Variants in JAKMIP1 observed in about 807,000 individuals in gnomAD.
JAKMIP1 encodes the protein janus kinase and microtubule interacting protein 1.
A neutral mutation model predicts 113.0 loss-of-function variants in JAKMIP1; 33 were observed. The observed-to-expected ratio is 0.29, with a 90% CI of 0.22 to 0.39. JAKMIP1 has a LOEUF of 0.39. Among genes scored for constraint, JAKMIP1 ranks in the 10% least tolerant of loss-of-function variants. The probability of loss-of-function intolerance (pLI) is 1.00; values close to 1 mark genes in which losing one functional copy is unlikely to be tolerated. For missense variants in JAKMIP1, 813 were observed against 1,080.5 expected (o/e 0.75, Z 3.47); for synonymous variants, 480 against 459.9 (o/e 1.04, Z -0.56).
In JAKMIP1 at chr4:6,154,198, A is replaced by G. The variant is rs1288315240; in HGVS notation, c.-147-41201T>C. ...GAGGGAAGACAGAGCGGAGCTGGAC[A>G]CAGGCGGAGGCTGAAGAAACAAGCA... On this transcript the variant is annotated intron_variant, in intron 1 of 20. Coordinates refer to ENST00000409021, the MANE Select transcript of JAKMIP1 (RefSeq NM_001099433.2). This position sits in a 1 kb window ranked among gnomAD's most constrained non-coding sequence, Gnocchi z 4.2. Among the ~76,000 whole-genome samples the G allele has an allele frequency of 1.3e-5, 2 of 152,240 alleles. No homozygotes were observed. The highest frequency in any genetic ancestry group is 2.4e-5 in the African/African-American group (1 of 41,464).
intron 3 of JAKMIP1, among the ~76,000 whole-genome samples, chr4:6,101,903 TAAAAA>T (rs34415235): frequency 1.5e-5 from 2 of 132,378 alleles, no homozygotes; most frequent in Non-Finnish European, 1.6e-5. Context: ...AAGACTCAGT[TAAAAA>T]AAAAAAAAAA....
rs539564586 is a variant in JAKMIP1 at position 6,138,890 on chromosome 4, G to A, written c.-147-25893C>T. 6.6e-6 allele frequency among the ~76,000 whole-genome samples: 1 copy of A among 152,272 alleles called. No individual in the cohort carries two copies. Among genetic ancestry groups the A allele is most frequent in the African/African-American group, 2.4e-5 (1 of 41,514 alleles). ...GCACAGAGCACTTTCAACAGAGCAA[G>A]GCCAGTTGGGCGCTAAGCAACTACT... On this transcript the variant is annotated intron_variant, in intron 1 of 20. Coordinates refer to ENST00000409021, the MANE Select transcript of JAKMIP1 (RefSeq NM_001099433.2). This position sits in a 1 kb window ranked among gnomAD's most constrained non-coding sequence, Gnocchi z 6.0.
intron 5 of JAKMIP1, among the ~76,000 whole-genome samples, chr4:6,082,421 C>G (rs1026584758): frequency 1.3e-5 from 2 of 151,822 alleles, no homozygotes; most frequent in African/African-American, 4.8e-5. Flanking sequence ...TCTTTACTGA[C>G]TTGAACCTTT....
At chr4:6,195,810 G>A (rs2109068268) in intron 1 of JAKMIP1, among the ~76,000 whole-genome samples, 1 of 152,364 alleles carries the variant, frequency 6.6e-6, no homozygotes, top group Non-Finnish European at 1.5e-5. Context: ...GGGAGTAAAT[G>A]TCTTTGGCTT....
In JAKMIP1 at chr4:6,193,408, G is replaced by A. The variant is rs1433563266; in HGVS notation, c.-148+6845C>T. On this transcript the variant is annotated intron_variant, in intron 1 of 20. Transcript: ENST00000409021. This position sits in a 1 kb window ranked among gnomAD's most constrained non-coding sequence, Gnocchi z 6.4. ...CTCCTTTTCATATACACATATATCC[G>A]ATTAGTTCTGTCTCTCTAGAGAACC... 2.0e-5 allele frequency among the ~76,000 whole-genome samples: 3 copies of A among 152,130 alleles called. No individual in the cohort carries two copies. Among genetic ancestry groups the A allele is most frequent in the East Asian group, 1.9e-4 (1 of 5,194 alleles).
At chr4:6,055,271 G>A (rs1004916511) in intron 12 of JAKMIP1, among the ~76,000 whole-genome samples, 1 of 152,174 alleles carries the variant, frequency 6.6e-6, no homozygotes, top group Non-Finnish European at 1.5e-5. Flanking sequence ...ACTGCACATG[G>A]GCAGGAGGGG....
At chr4:6,030,231 G>A (rs1443704591) in intron 19 of JAKMIP1, among the ~76,000 whole-genome samples, 1 of 152,030 alleles carries the variant, frequency 6.6e-6, no homozygotes. Context: ...TTTAACTGCA[G>A]CCTGGGGGAT....
In JAKMIP1 at chr4:6,049,590, G is replaced by A. The variant is rs1157668797; in HGVS notation, c.1962+229C>T. ...TGGGTAGGGATTCTGAGGCTTTCCCGTCCCCTCCTCACTCAACAGGCCAGG... is the reference window on the plus strand; with the variant it reads ...TGGGTAGGGATTCTGAGGCTTTCCCATCCCCTCCTCACTCAACAGGCCAGG... On this transcript the variant is annotated intron_variant, in intron 15 of 20. Coordinates refer to ENST00000409021, the MANE Select transcript of JAKMIP1 (RefSeq NM_001099433.2). The surrounding 1 kb of genome is among the most constrained non-coding windows in gnomAD (Gnocchi z 7.0). Among the ~76,000 whole-genome samples the A allele has an allele frequency of 2.6e-5, 4 of 151,908 alleles. No homozygotes were observed. Among genetic ancestry groups the A allele is most frequent in the South Asian group, 2.1e-4 (1 of 4,810 alleles).
At chr4:6,048,997 G>GT (rs112524365) in intron 15 of JAKMIP1, 75 bp from the exon 16 acceptor site, 87,164 of 762,214 alleles carry the variant, frequency 0.11, 92 homozygotes, top group South Asian at 0.16. Context: ...CACCAAGCAA[G>GT]TTTTTTTTTT....
chr4:6,146,108 A>C (rs960670915), intron 1 of JAKMIP1, among the ~76,000 whole-genome samples: 2 of 152,144 alleles, frequency 1.3e-5, no homozygotes, highest in African/African-American at 4.8e-5. Flanking sequence ...GGAAATCCTG[A>C]CACACGGTAT....
At position 6,086,146 on chromosome 4, in the gene JAKMIP1, C is replaced by T. The variant is rs10001432; in HGVS notation, c.625-517G>A. On this transcript the variant is annotated intron_variant, in intron 3 of 20. Transcript: ENST00000409021. The surrounding 1 kb of genome is among the most constrained non-coding windows in gnomAD (Gnocchi z 4.1). ...CAACGTTGTCCTCCCGCCCTGACTC[C>T]GTCACCCACTCCCAGACTCACGACC... is the stretch of plus-strand genomic sequence containing the variant. Among the ~76,000 whole-genome samples the T allele has an allele frequency of 0.034, 5,243 of 152,206 alleles. 80 individuals are homozygous for T. The highest frequency in any genetic ancestry group is 0.047 in the African/African-American group (1,937 of 41,546).
Position 6,105,461 on chromosome 4 carries a change from G to A in JAKMIP1, c.624+12C>T, listed in dbSNP as rs1314549740. Reference sequence around the variant, plus strand: ...CCGCGTGCCCGCGGGCGGGGGAGGGGGCGGCACGTACCAGCCTGCGGATGT... The same window carrying A: ...CCGCGTGCCCGCGGGCGGGGGAGGGAGCGGCACGTACCAGCCTGCGGATGT... On this transcript the variant is annotated intron_variant, in intron 3 of 20. Transcript: ENST00000409021. 3.8e-6 allele frequency: 6 copies of A among 1,580,448 alleles called. No homozygotes were observed. In the East Asian group the frequency reaches 6.8e-5, roughly 18 times the overall value.
chr4:6,083,633 C>T (rs1720897915), intron 5 of JAKMIP1, among the ~76,000 whole-genome samples: 1 of 150,600 alleles, frequency 6.6e-6, no homozygotes, highest in African/African-American at 2.4e-5. Context: ...TTTAAAAATA[C>T]TGGAAGGAAG....
At chr4:6,030,701 GGAC>G (rs1243087400) in intron 19 of JAKMIP1, among the ~76,000 whole-genome samples, 2 of 152,194 alleles carry the variant, frequency 1.3e-5, no homozygotes, top group African/African-American at 4.8e-5. Flanking sequence ...GCGGAAGGGT[GGAC>G]GATTTCAGCC....
At chr4:6,084,296 C>A (rs1394632940) in intron 5 of JAKMIP1, among the ~76,000 whole-genome samples, 2 of 140,256 alleles carry the variant, frequency 1.4e-5, no homozygotes, top group Non-Finnish European at 3.0e-5. Context: ...CCAGCCTGGG[C>A]GACAAGAGTG....
At chr4:6,096,441 C>A (rs992137569) in intron 3 of JAKMIP1, among the ~76,000 whole-genome samples, 1 of 152,196 alleles carries the variant, frequency 6.6e-6, no homozygotes, top group Non-Finnish European at 1.5e-5. Flanking sequence ...GACTGTTTCC[C>A]AGGCTATATC....
At position 6,184,926 on chromosome 4, in the gene JAKMIP1, A is replaced by C. The variant is rs1726474730; in HGVS notation, c.-148+15327T>G. Among the ~76,000 whole-genome samples the C allele has an allele frequency of 1.3e-5, 2 of 152,316 alleles. No homozygotes were observed. The highest frequency in any genetic ancestry group is 1.3e-4 in the Admixed American group (2 of 15,306). ...GCACAGCTAGAATAAAGAAGGCAGA[A>C]TTTGGAAAGAGCAGACTTGCTGAGT... is the stretch of plus-strand genomic sequence containing the variant. On this transcript the variant is annotated intron_variant, in intron 1 of 20. Coordinates refer to ENST00000409021, the MANE Select transcript of JAKMIP1 (RefSeq NM_001099433.2). The surrounding 1 kb of genome is among the most constrained non-coding windows in gnomAD (Gnocchi z 4.5).
At position 6,150,938 on chromosome 4, in the gene JAKMIP1, T is replaced by G. The variant is rs1164644498; in HGVS notation, c.-147-37941A>C. Among the ~76,000 whole-genome samples the G allele has an allele frequency of 6.6e-6, 1 of 152,062 alleles. No homozygotes were observed. Among genetic ancestry groups the G allele is most frequent in the East Asian group, 1.9e-4 (1 of 5,186 alleles). On this transcript the variant is annotated intron_variant, in intron 1 of 20. Coordinates refer to ENST00000409021, the MANE Select transcript of JAKMIP1 (RefSeq NM_001099433.2). The surrounding 1 kb of genome is among the most constrained non-coding windows in gnomAD (Gnocchi z 4.8). ...TGACACACATTTACAACCCCACCAG[T>G]GGGTCCCTGTCATCCACCAAAAGCA...
intron 13 of JAKMIP1, among the ~76,000 whole-genome samples, chr4:6,052,602 C>T (rs1715796483): frequency 6.8e-6 from 1 of 147,006 alleles, no homozygotes; most frequent in Non-Finnish European, 1.5e-5. Flanking sequence ...GCCAAGAGTG[C>T]ACCACGCCAC....
Sources: gnomAD v4.1 joint callset for allele counts (sites outside exome capture counted in the v4.1 genomes callset) on GRCh38, gnomAD v4.1.1 for gene constraint, Gnocchi (gnomAD v3.1) non-coding constraint, MANE v1.5 for transcripts, NCBI Gene and HGNC (gene_info 2026-07-23, HGNC 2026-07-21) for gene names.